The following BNC2 variants were observed in gnomAD, a reference collection of about 807,000 sequenced individuals.
The protein encoded by BNC2 is basonuclin zinc finger protein 2, also known as zinc finger protein basonuclin-2.
BNC2 carries 20 observed loss-of-function variants against 76.3 expected under a neutral mutation model. The ratio of observed to expected loss-of-function variants is 0.26; its 90% confidence interval spans 0.18 to 0.38. The LOEUF (loss-of-function observed/expected upper bound fraction) is 0.38. BNC2 is among the 10% of genes least tolerant of loss of function. The probability of loss-of-function intolerance (pLI) is 1.00; values close to 1 mark genes in which losing one functional copy is unlikely to be tolerated. For missense variants in BNC2, 1,382 were observed against 1,399.8 expected (o/e 0.99, Z 0.20); for synonymous variants, 582 against 514.8 (o/e 1.13, Z -1.77).
In BNC2 at chr9:16,850,116, C is replaced by T. The variant is rs548343585; in HGVS notation, c.3+20530G>A. Among the ~76,000 whole-genome samples the T allele has an allele frequency of 4.6e-5, 7 of 152,308 alleles. 1 individual carries two copies. The highest frequency in any genetic ancestry group is 2.1e-4 in the South Asian group (1 of 4,822). ...TAAAACCATTTCGTATCATGAAGCA[C>T]TCATGCAGTCTCACATCTTAGTTAA... is the stretch of plus-strand genomic sequence containing the variant. On this transcript the variant is annotated intron_variant, in intron 1 of 6. Coordinates refer to ENST00000380672, the MANE Select transcript of BNC2 (RefSeq NM_017637.6).
intron 6 of BNC2, chr9:16,435,022 T>C (rs1820976435): frequency 2.1e-6 from 1 of 471,342 alleles, no homozygotes; most frequent in African/African-American, 2.0e-5. Flanking sequence ...ATGATAACAT[T>C]ACTGGTTATA....
intron 1 of BNC2, among the ~76,000 whole-genome samples, chr9:16,761,723 C>G (rs1431195782): frequency 2.6e-5 from 4 of 152,184 alleles, no homozygotes; most frequent in Non-Finnish European, 5.9e-5. Flanking sequence ...ATTCAGTACT[C>G]ATAATTATTC....
intron 3 of BNC2, among the ~76,000 whole-genome samples, chr9:16,688,335 A>C (rs1054831097): frequency 2.6e-5 from 4 of 152,232 alleles, no homozygotes; most frequent in Non-Finnish European, 5.9e-5. Context: ...TTTGATTTAG[A>C]AGCCTCAGAA....
intron 1 of BNC2, among the ~76,000 whole-genome samples, chr9:16,863,368 C>G (rs1191014138): frequency 6.6e-6 from 1 of 152,286 alleles, no homozygotes; most frequent in East Asian, 1.9e-4. Context: ...TTAGCCCATA[C>G]TTTCACAAGA....
chr9:16,605,988 C>A (rs1280068399), intron 3 of BNC2, among the ~76,000 whole-genome samples: 1 of 152,034 alleles, frequency 6.6e-6, no homozygotes, highest in Non-Finnish European at 1.5e-5. Context: ...AAGTGACCCA[C>A]TCACCTTGGC....
At chr9:16,729,188 C>T (rs1178497943) in intron 2 of BNC2, among the ~76,000 whole-genome samples, 1 of 152,166 alleles carries the variant, frequency 6.6e-6, no homozygotes, top group African/African-American at 2.4e-5. Flanking sequence ...AAAAGCAGCA[C>T]TGAACAAAAT....
intron 5 of BNC2, among the ~76,000 whole-genome samples, chr9:16,459,293 G>C (rs938601020): frequency 1.3e-5 from 2 of 152,086 alleles, no homozygotes; most frequent in Non-Finnish European, 2.9e-5. Context: ...AGCTAGAAAG[G>C]AAACAAGAAA....
chr9:16,431,607 G>C (rs1288827297), intron 6 of BNC2: 3 of 286,472 alleles, frequency 1.0e-5, no homozygotes, highest in Non-Finnish European at 2.3e-5. Context: ...AGGGTCTTTA[G>C]AGACTTTCAA....
At position 16,613,518 on chromosome 9, in the gene BNC2, G is replaced by A. The variant is rs776043970; in HGVS notation, c.331-30433C>T. Among the ~76,000 whole-genome samples, 23 of 152,296 alleles carry A rather than the reference G, an allele frequency of 1.5e-4. No homozygotes were observed. The South Asian group carries it at 1.7e-3, about 11-fold the overall frequency. ...ACTGCTGTGCAGGCTTCTCAGAATA[G>A]GTATTTATAACAAACGCCAACACCT... On this transcript the variant is annotated intron_variant, in intron 3 of 6. Transcript: ENST00000380672.
chr9:16,677,578 A>AAC (rs57587457), intron 3 of BNC2, among the ~76,000 whole-genome samples: 1,737 of 139,322 alleles, frequency 0.012, 21 homozygotes, highest in African/African-American at 0.028. Context: ...GTCTCAAACA[A>AAC]ACACACACAC....
At chr9:16,730,102 C>G (rs774242291) in intron 2 of BNC2, among the ~76,000 whole-genome samples, 1 of 151,942 alleles carries the variant, frequency 6.6e-6, no homozygotes, top group Non-Finnish European at 1.5e-5. Flanking sequence ...CTACCCAACA[C>G]CCCACACACA....
At chr9:16,468,171 G>C (rs1209223394) in intron 5 of BNC2, among the ~76,000 whole-genome samples, 1 of 150,472 alleles carries the variant, frequency 6.6e-6, no homozygotes, top group Non-Finnish European at 1.5e-5. Flanking sequence ...CCTCCAAAGT[G>C]CTAGGATTAT....
chr9:16,722,426 A>C (rs1302866910), intron 3 of BNC2, among the ~76,000 whole-genome samples: 1 of 152,208 alleles, frequency 6.6e-6, no homozygotes, highest in African/African-American at 2.4e-5. Context: ...TGCATGAATA[A>C]TTGGATTTAT....
At chr9:16,735,580 T>C (rs1405732038) in intron 2 of BNC2, among the ~76,000 whole-genome samples, 1 of 152,078 alleles carries the variant, frequency 6.6e-6, no homozygotes, top group East Asian at 1.9e-4. Context: ...TACTGCAAGC[T>C]CCACCTCCTG....
chr9:16,683,016 C>T (rs976711253), intron 3 of BNC2, among the ~76,000 whole-genome samples: 1 of 152,168 alleles, frequency 6.6e-6, no homozygotes, highest in African/African-American at 2.4e-5. Context: ...ACTTCAAAAG[C>T]CACTGGGGAA....
At chr9:16,457,240 T>G (rs1376677705) in intron 5 of BNC2, among the ~76,000 whole-genome samples, 1 of 152,152 alleles carries the variant, frequency 6.6e-6, no homozygotes, top group African/African-American at 2.4e-5. Flanking sequence ...AGAAAAAATT[T>G]TCAGGCACAC....
At chr9:16,724,457 C>T (rs10756791) in intron 3 of BNC2, among the ~76,000 whole-genome samples, 68,714 of 151,872 alleles carry the variant, frequency 0.45, 18,469 homozygotes, top group East Asian at 0.89. Context: ...CAAAGAAGAA[C>T]TCCCTTTACA....
At chr9:16,732,467 TTTTTA>T (rs1485612303) in intron 2 of BNC2, among the ~76,000 whole-genome samples, 1 of 152,206 alleles carries the variant, frequency 6.6e-6, no homozygotes, top group Non-Finnish European at 1.5e-5. Flanking sequence ...TACTCTAGGA[TTTTTA>T]TTTTTTCTGT....
chr9:16,724,136 A>G (rs1439535021), intron 3 of BNC2, among the ~76,000 whole-genome samples: 1 of 152,030 alleles, frequency 6.6e-6, no homozygotes, highest in Non-Finnish European at 1.5e-5. Context: ...ATACCTCACC[A>G]ATAATAAAAG....
Sources: gnomAD v4.1 joint callset for allele counts (sites outside exome capture counted in the v4.1 genomes callset) on GRCh38, gnomAD v4.1.1 for gene constraint, MANE v1.5 for transcripts, NCBI Gene and HGNC (gene_info 2026-07-23, HGNC 2026-07-21) for gene names.